Variants in AGAP1 observed in about 807,000 individuals in gnomAD.
The protein encoded by AGAP1 is ArfGAP with GTPase domain, ankyrin repeat and PH domain 1.
A neutral mutation model predicts 105.3 loss-of-function variants in AGAP1; 29 were observed. The observed-to-expected ratio is 0.28, with a 90% CI of 0.21 to 0.38. The LOEUF (loss-of-function observed/expected upper bound fraction) is 0.38, where lower values mean the gene tolerates loss of function less well. Among genes scored for constraint, AGAP1 ranks in the 10% least tolerant of loss-of-function variants. The pLI, the probability that AGAP1 is intolerant of heterozygous loss-of-function variation, is 1.00. For missense variants in AGAP1, 998 were observed against 1,165.1 expected (o/e 0.86, Z 2.09); for synonymous variants, 509 against 485.9 (o/e 1.05, Z -0.63).
At chr2:235,813,304 C>A (rs1042322905) in intron 9 of AGAP1, among the ~76,000 whole-genome samples, 1 of 152,202 alleles carries the variant, frequency 6.6e-6, no homozygotes, top group African/African-American at 2.4e-5. Flanking sequence ...GCAAAGCAAT[C>A]GAAAAGAATA....
At chr2:235,640,360 A>C (rs1209967773) in intron 1 of AGAP1, among the ~76,000 whole-genome samples, 1 of 152,246 alleles carries the variant, frequency 6.6e-6, no homozygotes, top group East Asian at 1.9e-4. Flanking sequence ...TGTTCCTTCC[A>C]GCAGAAATTC....
chr2:235,912,525 A>C lies in AGAP1; in HGVS notation c.1324+3619A>C, dbSNP rs1319668022. ...TTTTCATTTTTGTATTCATTTTCTT[A>C]ATGCGATTGAATTAGATCAACATTT... On this transcript the variant is annotated intron_variant, in intron 11 of 17. Coordinates refer to ENST00000304032, the MANE Select transcript of AGAP1 (RefSeq NM_001037131.3). Among the ~76,000 whole-genome samples, 5 of 152,188 alleles carry C rather than the reference A, an allele frequency of 3.3e-5. No individual in the cohort carries two copies. In the East Asian group the frequency reaches 5.8e-4, roughly 18 times the overall value.
At chr2:235,886,094 C>T (rs976599396) in intron 10 of AGAP1, among the ~76,000 whole-genome samples, 2 of 152,182 alleles carry the variant, frequency 1.3e-5, no homozygotes, top group African/African-American at 4.8e-5. Flanking sequence ...AGAACAACAG[C>T]GAGGCACCAG....
intron 11 of AGAP1, among the ~76,000 whole-genome samples, chr2:235,920,542 T>TG (rs1230943304): frequency 1.3e-5 from 2 of 152,098 alleles, no homozygotes; most frequent in African/African-American, 2.4e-5. Context: ...TGCTGGAAGA[T>TG]GGGGGGTGCC....
rs919216127 is a variant in AGAP1 at position 235,665,280 on chromosome 2, A to G, written c.164-43899A>G. ...ATCGTTGGTCCTTAAGGAAAAACAC[A>G]GGAAGGATGCAGGTGCTCAGAGGAC... On this transcript the variant is annotated intron_variant, in intron 1 of 17. Transcript: ENST00000304032. The surrounding 1 kb of genome is among the most constrained non-coding windows in gnomAD (Gnocchi z 5.3). Among the ~76,000 whole-genome samples, 65 of 152,198 alleles carry G rather than the reference A, an allele frequency of 4.3e-4. No homozygotes were observed. The highest frequency in any genetic ancestry group is 1.2e-4 in the Non-Finnish European group (8 of 68,032).
intron 9 of AGAP1, among the ~76,000 whole-genome samples, chr2:235,852,415 G>A (rs572471694): frequency 5.9e-5 from 9 of 152,348 alleles, no homozygotes; most frequent in East Asian, 5.8e-4. Flanking sequence ...GGGGAACCCC[G>A]AAACAGGCCG....
At chr2:235,713,798 G>A (rs1950964731) in intron 2 of AGAP1, among the ~76,000 whole-genome samples, 1 of 152,180 alleles carries the variant, frequency 6.6e-6, no homozygotes, top group Admixed American at 6.5e-5. Flanking sequence ...TGGAGGCCAG[G>A]AAGTCCAAGA....
rs1214932934 is a variant in AGAP1 at position 235,988,638 on chromosome 2, CT to C, written c.1645+20016del. ...TGTCTCTGAAACACTTGCATTTTTCCTGTAACTTTCCAGTAATGAGGGGGCC... is the reference window on the plus strand; with the variant it reads ...TGTCTCTGAAACACTTGCATTTTTCCGTAACTTTCCAGTAATGAGGGGGCC... On this transcript the variant is annotated intron_variant, in intron 13 of 17. Transcript: ENST00000304032. This position sits in a 1 kb window ranked among gnomAD's most constrained non-coding sequence, Gnocchi z 4.7. Among the ~76,000 whole-genome samples, 2 of 152,092 alleles carry C rather than the reference CT, an allele frequency of 1.3e-5. No homozygotes were observed.
Position 236,055,149 on chromosome 2 carries a change from CCT to C in AGAP1, c.2114+5871_2114+5872del, listed in dbSNP as rs2058017485. Among the ~76,000 whole-genome samples the C allele has an allele frequency of 6.6e-6, 1 of 152,152 alleles. No homozygotes were observed. Among genetic ancestry groups the C allele is most frequent in the South Asian group, 2.1e-4 (1 of 4,820 alleles). ...TGGGGCTTAATGGTATGAATAAACT[CCT>C]CTGATTCTATCATCCCGGATGCAGA... On this transcript the variant is annotated intron_variant, in intron 16 of 17. Coordinates refer to ENST00000304032, the MANE Select transcript of AGAP1 (RefSeq NM_001037131.3). This position sits in a 1 kb window ranked among gnomAD's most constrained non-coding sequence, Gnocchi z 6.2.
chr2:235,920,961 A>T (rs912878752), intron 11 of AGAP1, among the ~76,000 whole-genome samples: 1 of 152,184 alleles, frequency 6.6e-6, no homozygotes, highest in African/African-American at 2.4e-5. Flanking sequence ...TATTATTATT[A>T]TCCACTTAGA....
intron 16 of AGAP1, among the ~76,000 whole-genome samples, chr2:236,117,824 GTCTGTC>G (rs1287999743): frequency 6.6e-6 from 1 of 151,928 alleles, no homozygotes; most frequent in Admixed American, 6.6e-5. Context: ...GCTTCTTTTT[GTCTGTC>G]TCCTGAACCC....
chr2:235,571,111 G>A (rs1944497608), intron 1 of AGAP1, among the ~76,000 whole-genome samples: 1 of 152,230 alleles, frequency 6.6e-6, no homozygotes, highest in East Asian at 1.9e-4. Context: ...CCACACACTT[G>A]TAAACAACCA....
intron 12 of AGAP1, among the ~76,000 whole-genome samples, chr2:235,937,766 G>A (rs1240690220): frequency 6.6e-6 from 1 of 152,174 alleles, no homozygotes; most frequent in Non-Finnish European, 1.5e-5. Flanking sequence ...ATAGGGGAGG[G>A]TGATGCTACT....
chr2:235,991,669 G>A (rs1431200241), intron 13 of AGAP1, among the ~76,000 whole-genome samples: 11 of 152,184 alleles, frequency 7.2e-5, no homozygotes, highest in East Asian at 5.8e-4. Context: ...AATACTGGGC[G>A]TTCTTTCTAA....
chr2:235,941,160 G>A (rs1276992310), intron 12 of AGAP1, among the ~76,000 whole-genome samples: 1 of 152,334 alleles, frequency 6.6e-6, no homozygotes, highest in East Asian at 1.9e-4. Flanking sequence ...GTTTATGGCA[G>A]AAAACACTGG....
In AGAP1 at chr2:235,857,059, G is replaced by C. The variant is rs2048715343; in HGVS notation, c.1051-26286G>C. ...GAGACGCAGGTGGTGAGCCTGAGATGCTACACTTTAGAGCAGGAGTCATCC... is the reference window on the plus strand; with the variant it reads ...GAGACGCAGGTGGTGAGCCTGAGATCCTACACTTTAGAGCAGGAGTCATCC... On this transcript the variant is annotated intron_variant, in intron 9 of 17. Transcript: ENST00000304032. Among the ~76,000 whole-genome samples, 3 of 152,124 alleles carry C rather than the reference G, an allele frequency of 2.0e-5. No individual in the cohort carries two copies. In the South Asian group the frequency reaches 6.2e-4, roughly 32 times the overall value.
rs1239057954 is a variant in AGAP1, at chr2:235,610,450, G to T, written c.164-98729G>T. ...TGGACTCTGGAGAGACTCTTGTCCT[G>T]ACTTCTAGATGTCTGCCTTCTTGCT... On this transcript the variant is annotated intron_variant, in intron 1 of 17. Transcript: ENST00000304032. This position sits in a 1 kb window ranked among gnomAD's most constrained non-coding sequence, Gnocchi z 4.9. 6.6e-6 allele frequency among the ~76,000 whole-genome samples: 1 copy of T among 152,152 alleles called. No individual in the cohort carries two copies. Among genetic ancestry groups the T allele is most frequent in the Admixed American group, 6.5e-5 (1 of 15,274 alleles).
Position 236,097,380 on chromosome 2 carries a change from C to CTTTTTTTTTTTT in AGAP1, c.2115-22792_2115-22781dup, listed in dbSNP as rs58882083. 2.9e-4 allele frequency among the ~76,000 whole-genome samples: 14 copies of CTTTTTTTTTTTT among 48,670 alleles called. 2 individuals carry two copies. The highest frequency in any genetic ancestry group is 1.5e-3 in the East Asian group (2 of 1,336). 31.9% of individuals were successfully genotyped at this position (48,670 alleles called of 152,430 possible). A position where few individuals can be genotyped will look rare whatever the true frequency, so the allele number is the denominator to read the frequency against. ...ATAATATAAAATTTGTCATCCTAAT[C>CTTTTTTTTTTTT]TTTTTTTTTTTTTTTTTTTTTTTTT... On this transcript the variant is annotated intron_variant, in intron 16 of 17. Transcript: ENST00000304032.
chr2:236,038,901 A>C lies in AGAP1; in HGVS notation c.1801-1850A>C, dbSNP rs2057463524. 6.6e-6 allele frequency among the ~76,000 whole-genome samples: 1 copy of C among 151,990 alleles called. No homozygotes were observed. Among genetic ancestry groups the C allele is most frequent in the Admixed American group, 6.6e-5 (1 of 15,252 alleles). ...GTGTAAACTGTTTAAACATATTTTGAATACTTGGGTATCTAACCAAAGGGA... is the reference window on the plus strand; with the variant it reads ...GTGTAAACTGTTTAAACATATTTTGCATACTTGGGTATCTAACCAAAGGGA... On this transcript the variant is annotated intron_variant, in intron 14 of 17. Transcript: ENST00000304032. The surrounding 1 kb of genome is among the most constrained non-coding windows in gnomAD (Gnocchi z 4.5).
Sources: gnomAD v4.1 joint callset for allele counts (sites outside exome capture counted in the v4.1 genomes callset) on GRCh38, gnomAD v4.1.1 for gene constraint, Gnocchi (gnomAD v3.1) non-coding constraint, MANE v1.5 for transcripts, NCBI Gene and HGNC (gene_info 2026-07-23, HGNC 2026-07-21) for gene names.